The following FMNL2 variants were observed in gnomAD, a reference collection of about 807,000 sequenced individuals.
FMNL2 encodes formin like 2, also known as formin-like protein 2.
A neutral mutation model predicts 130.2 loss-of-function variants in FMNL2; 51 were observed. The observed-to-expected ratio is 0.39, with a 90% CI of 0.31 to 0.49. The LOEUF is 0.49. Ranked by LOEUF, FMNL2 falls within the 20% of genes least tolerant of loss-of-function variation. The pLI is 0.85. For missense variants in FMNL2, 977 were observed against 1,316.2 expected (o/e 0.74, Z 3.99); for synonymous variants, 465 against 467.1 (o/e 1.00, Z 0.06).
At chr2:152,539,397 C>G (rs6713711) in intron 2 of FMNL2, 13,146 of 154,190 alleles carry the variant, frequency 0.085, 915 homozygotes, top group Admixed American at 0.22. Context: ...TTCCTTCTCC[C>G]CATTTGCCAC....
intron 1 of FMNL2, among the ~76,000 whole-genome samples, chr2:152,521,184 A>T (rs1693065624): frequency 6.6e-6 from 1 of 152,208 alleles, no homozygotes; most frequent in African/African-American, 2.4e-5. Flanking sequence ...TATCTTAAAA[A>T]TGTGTATGAT....
intron 9 of FMNL2, among the ~76,000 whole-genome samples, chr2:152,598,409 C>T (rs961115356): frequency 6.6e-6 from 1 of 152,186 alleles, no homozygotes; most frequent in African/African-American, 2.4e-5. Flanking sequence ...CATTCTCAGG[C>T]TGGGTGCGGT....
At chr2:152,351,128 CT>C (rs1273332166) in intron 1 of FMNL2, among the ~76,000 whole-genome samples, 1 of 152,150 alleles carries the variant, frequency 6.6e-6, no homozygotes, top group Non-Finnish European at 1.5e-5. Context: ...CCAAAAATAC[CT>C]GAAGTTGCCC....
At chr2:152,408,887 G>T (rs1025980263) in intron 1 of FMNL2, among the ~76,000 whole-genome samples, 6 of 152,168 alleles carry the variant, frequency 3.9e-5, no homozygotes, top group South Asian at 4.1e-4. Flanking sequence ...TGTAAAATTG[G>T]AAAATTGTAA....
chr2:152,373,296 G>T (rs1244767395), intron 1 of FMNL2, among the ~76,000 whole-genome samples: 1 of 152,116 alleles, frequency 6.6e-6, no homozygotes, highest in African/African-American at 2.4e-5. Context: ...GAAGTCTGGT[G>T]GTCCCTGATG....
intron 1 of FMNL2, among the ~76,000 whole-genome samples, chr2:152,471,712 C>T (rs1314422706): frequency 6.6e-6 from 1 of 152,004 alleles, no homozygotes; most frequent in Non-Finnish European, 1.5e-5. Flanking sequence ...GCTTGGAGGC[C>T]TGTTACGAGT....
At chr2:152,410,371 T>C (rs529582831) in intron 1 of FMNL2, among the ~76,000 whole-genome samples, 3 of 152,332 alleles carry the variant, frequency 2.0e-5, no homozygotes, top group African/African-American at 7.2e-5. Context: ...GTGATAGTCA[T>C]TGATTGACAA....
At chr2:152,647,755 TAA>T in intron 25 of FMNL2, 39 bp from the exon 26 acceptor site, 6 of 1,591,454 alleles carry the variant, frequency 3.8e-6, no homozygotes, top group Non-Finnish European at 5.2e-6. Flanking sequence ...CACATGCTAT[TAA>T]AGGTTGCTAT....
At chr2:152,631,666 T>A (rs1682179563) in intron 20 of FMNL2, among the ~76,000 whole-genome samples, 1 of 152,176 alleles carries the variant, frequency 6.6e-6, no homozygotes, top group East Asian at 1.9e-4. Context: ...CACTTAGTAT[T>A]TTTGGATACC....
chr2:152,345,850 C>T lies in FMNL2; in HGVS notation c.117+10130C>T, dbSNP rs146781549. ...GGGCTTGTGCAGCCCTTCCTCTTGCCAGTGTTTACACCCTCCAGTGGCCTT... is the reference window on the plus strand; with the variant it reads ...GGGCTTGTGCAGCCCTTCCTCTTGCTAGTGTTTACACCCTCCAGTGGCCTT... On this transcript the variant is annotated intron_variant, in intron 1 of 25. Coordinates refer to ENST00000288670, the MANE Select transcript of FMNL2 (RefSeq NM_052905.4). Among the ~76,000 whole-genome samples, 4 of 152,276 alleles carry T rather than the reference C, an allele frequency of 2.6e-5. No individual in the cohort carries two copies. The East Asian group carries it at 7.7e-4, about 29-fold the overall frequency.
intron 5 of FMNL2, among the ~76,000 whole-genome samples, chr2:152,559,469 A>C (rs768995137): frequency 6.6e-6 from 1 of 152,070 alleles, no homozygotes; most frequent in Admixed American, 6.6e-5. Context: ...ATGCCCGGCT[A>C]ATTTTTGTAT....
chr2:152,337,153 G>A (rs1447516249), intron 1 of FMNL2, among the ~76,000 whole-genome samples: 1 of 152,130 alleles, frequency 6.6e-6, no homozygotes, highest in Non-Finnish European at 1.5e-5. Flanking sequence ...GTGTTGCTTT[G>A]CATCTCCTGT....
intron 21 of FMNL2, among the ~76,000 whole-genome samples, chr2:152,635,680 T>C (rs1231613933): frequency 6.6e-6 from 1 of 152,208 alleles, no homozygotes; most frequent in African/African-American, 2.4e-5. Context: ...GTACTCAACG[T>C]CCTAAAGAAG....
chr2:152,559,327 T>C (rs1219265223), intron 5 of FMNL2, among the ~76,000 whole-genome samples: 1 of 152,158 alleles, frequency 6.6e-6, no homozygotes, highest in East Asian at 1.9e-4. Context: ...ATTGTTTTGA[T>C]TTTCTGCCCA....
At chr2:152,516,063 A>G (rs1692749745) in intron 1 of FMNL2, among the ~76,000 whole-genome samples, 2 of 152,170 alleles carry the variant, frequency 1.3e-5, no homozygotes, top group Non-Finnish European at 2.9e-5. Context: ...CCGTCTCATT[A>G]GAATTCATTG....
At chr2:152,404,129 CT>C (rs1012331853) in intron 1 of FMNL2, among the ~76,000 whole-genome samples, 1 of 151,966 alleles carries the variant, frequency 6.6e-6, no homozygotes, top group South Asian at 2.1e-4. Flanking sequence ...TACCCCCCGC[CT>C]TTTTTTTGGA....
chr2:152,569,889 T>TA (rs1378574146), intron 6 of FMNL2, among the ~76,000 whole-genome samples: 1 of 151,632 alleles, frequency 6.6e-6, no homozygotes, highest in Non-Finnish European at 1.5e-5. Context: ...CACATGCCTG[T>TA]AATCTCAGCT....
intron 1 of FMNL2, among the ~76,000 whole-genome samples, chr2:152,409,040 A>G (rs376333109): frequency 2.0e-5 from 3 of 152,150 alleles, no homozygotes; most frequent in African/African-American, 2.4e-5. Context: ...AGGGTTTGCA[A>G]TTGGCTTCAT....
At chr2:152,519,295 A>C (rs1261095619) in intron 1 of FMNL2, among the ~76,000 whole-genome samples, 1 of 152,192 alleles carries the variant, frequency 6.6e-6, no homozygotes, top group Non-Finnish European at 1.5e-5. Flanking sequence ...ACCATAACAC[A>C]GTGCTCTCTG....
Sources: allele counts gnomAD v4.1 joint callset (sites outside exome capture counted in the v4.1 genomes callset), GRCh38; gene constraint gnomAD v4.1.1; transcripts MANE v1.5; gene names NCBI Gene and HGNC (gene_info 2026-07-23, HGNC 2026-07-21).